Variants in RAP1A observed in about 807,000 individuals in gnomAD.
The protein encoded by RAP1A is ras-related protein Rap-1A.
Under a neutral mutation model 26.4 loss-of-function variants are expected in RAP1A, and 6 were observed. That is an observed-to-expected ratio of 0.23 (90% CI 0.12 to 0.45). The LOEUF (loss-of-function observed/expected upper bound fraction) is 0.45. Ranked by LOEUF, RAP1A falls within the 20% of genes least tolerant of loss-of-function variation. The pLI, the probability that RAP1A is intolerant of heterozygous loss-of-function variation, is 0.99. For synonymous variants in RAP1A, 73 were observed against 79.4 expected, an observed-to-expected ratio of 0.92 and a Z score of 0.43; for missense variants, 121 against 217.2, an observed-to-expected ratio of 0.56 and a Z score of 2.78.
intron 1 of RAP1A, chr1:111,608,584 A>C (rs934648677): frequency 1.1e-4 from 19 of 168,934 alleles, no homozygotes; most frequent in African/African-American, 4.6e-4. Flanking sequence ...AGCCGAGATC[A>C]CGCCACTGCA....
At chr1:111,579,859 G>A (rs1658218939) in intron 1 of RAP1A, among the ~76,000 whole-genome samples, 2 of 152,008 alleles carry the variant, frequency 1.3e-5, no homozygotes, top group Admixed American at 6.6e-5. Context: ...GCCCAGGCTG[G>A]AGTGCAATGG....
At chr1:111,655,663 T>C (rs1464358289) in intron 1 of RAP1A, among the ~76,000 whole-genome samples, 1 of 102,778 alleles carries the variant, frequency 9.7e-6, no homozygotes, top group Admixed American at 9.9e-5. Context: ...ATAGTCTTTT[T>C]TTTTTTTTTT....
At chr1:111,617,229 G>A (rs2101083633), upstream of RAP1A, among the ~76,000 whole-genome samples, 1 of 152,286 alleles carries the variant, frequency 6.6e-6, no homozygotes, top group African/African-American at 2.4e-5. Context: ...CTGCTCTACA[G>A]GGGCCTGAGC....
intron 1 of RAP1A, among the ~76,000 whole-genome samples, chr1:111,574,458 T>C (rs1462569612): frequency 6.6e-6 from 1 of 152,208 alleles, no homozygotes; most frequent in South Asian, 2.1e-4. Flanking sequence ...TAGTTCTATA[T>C]GAATTTTAAA....
chr1:111,682,163 CAGGCCTGCCTTACAAG>C (rs1661317038), intron 1 of RAP1A, among the ~76,000 whole-genome samples: 1 of 152,136 alleles, frequency 6.6e-6, no homozygotes, highest in African/African-American at 2.4e-5. Flanking sequence ...TTGTCACCAC[CAGGCCTGCCTTACAAG>C]AGGCCCTGAA....
At chr1:111,617,852 T>C (rs909911289), upstream of RAP1A, among the ~76,000 whole-genome samples, 1 of 151,724 alleles carries the variant, frequency 6.6e-6, no homozygotes, top group African/African-American at 2.4e-5. Flanking sequence ...GAGACCAGCC[T>C]GGCCAACGTG....
At chr1:111,661,940 T>C (rs1398494902) in intron 1 of RAP1A, among the ~76,000 whole-genome samples, 1 of 152,228 alleles carries the variant, frequency 6.6e-6, no homozygotes, top group African/African-American at 2.4e-5. Context: ...TGTATCTTTT[T>C]TTGTGTATTT....
intron 1 of RAP1A, among the ~76,000 whole-genome samples, chr1:111,658,715 C>A (rs1368422121): frequency 6.6e-6 from 1 of 152,172 alleles, no homozygotes; most frequent in Non-Finnish European, 1.5e-5. Flanking sequence ...AAACAATGTC[C>A]TGCAGTACCT....
At chr1:111,586,956 T>A (rs1300591450) in intron 1 of RAP1A, among the ~76,000 whole-genome samples, 2 of 152,144 alleles carry the variant, frequency 1.3e-5, no homozygotes, top group African/African-American at 2.4e-5. Context: ...CATGCCTCTA[T>A]CAGACTGCGA....
At chr1:111,669,455 T>C (rs926455860) in intron 1 of RAP1A, among the ~76,000 whole-genome samples, 1 of 152,208 alleles carries the variant, frequency 6.6e-6, no homozygotes, top group African/African-American at 2.4e-5. Context: ...GCCCATGAAC[T>C]GGAATGTAAA....
chr1:111,666,706 A>G (rs959547641), intron 1 of RAP1A, among the ~76,000 whole-genome samples: 4 of 152,156 alleles, frequency 2.6e-5, no homozygotes, highest in African/African-American at 4.8e-5. Flanking sequence ...GCCTGATACT[A>G]TAAGAGTATA....
At chr1:111,657,117 T>G (rs1660486012) in intron 1 of RAP1A, among the ~76,000 whole-genome samples, 1 of 152,146 alleles carries the variant, frequency 6.6e-6, no homozygotes, top group Non-Finnish European at 1.5e-5. Context: ...ATTGCAAACT[T>G]CTGTGCATCA....
chr1:111,704,314 G>T, intron 5 of RAP1A, 29 bp from the exon 6 acceptor site: 1 of 1,608,940 alleles, frequency 6.2e-7, no homozygotes. Context: ...GTATGTTATT[G>T]TTCATTTTAC....
chr1:111,616,322 GAGTGGGCAATCC>G (rs1659013852), upstream of RAP1A, among the ~76,000 whole-genome samples: 1 of 152,188 alleles, frequency 6.6e-6, no homozygotes, highest in African/African-American at 2.4e-5. Context: ...TGAAGATTAT[GAGTGGGCAATCC>G]AGTTCCTCAA....
At chr1:111,615,267 T>A (rs556239215), upstream of RAP1A, among the ~76,000 whole-genome samples, 2 of 151,960 alleles carry the variant, frequency 1.3e-5, no homozygotes, top group South Asian at 4.2e-4. Context: ...GGAGTCATGA[T>A]CTGGACAATG....
At chr1:111,563,039 G>T (rs1334592384) in intron 1 of RAP1A, among the ~76,000 whole-genome samples, 9 of 152,318 alleles carry the variant, frequency 5.9e-5, no homozygotes, top group African/African-American at 1.7e-4. Context: ...TTGTGGATGA[G>T]AAAACTAAGG....
At chr1:111,569,391 CAAAAAAAA>C (rs34387699) in intron 1 of RAP1A, among the ~76,000 whole-genome samples, 1 of 104,494 alleles carries the variant, frequency 9.6e-6, no homozygotes, top group Non-Finnish European at 2.0e-5. Context: ...ACTCCGTCTC[CAAAAAAAA>C]AAAAAAAAAA....
rs77954422 is a variant in RAP1A at position 111,570,744 on chromosome 1, G to A, written c.-28+28235G>A. On this transcript the variant is annotated intron_variant, in intron 1 of 7. Coordinates refer to the RAP1A transcript ENST00000356415. ...AACATGTATGAAGAGAGAATAGCCT[G>A]AGGGACATCTGGCTTTATAACAAAT... 8.5e-3 allele frequency among the ~76,000 whole-genome samples: 1,300 copies of A among 152,224 alleles called. 8 individuals carry two copies. Among genetic ancestry groups the A allele is most frequent in the African/African-American group, 0.03 (1,241 of 41,532 alleles).
chr1:111,634,387 T>C (rs1486397267), intron 1 of RAP1A, among the ~76,000 whole-genome samples: 1 of 151,988 alleles, frequency 6.6e-6, no homozygotes, highest in Non-Finnish European at 1.5e-5. Flanking sequence ...AAATGCAGAT[T>C]ACCAGTGTTT....
Sources: gnomAD v4.1 joint callset for allele counts (sites outside exome capture counted in the v4.1 genomes callset) on GRCh38, gnomAD v4.1.1 for gene constraint, MANE v1.5 for transcripts, NCBI Gene and HGNC (gene_info 2026-07-23, HGNC 2026-07-21) for gene names.